Variants in NCAPH2 observed in about 807,000 individuals in gnomAD.
The protein encoded by NCAPH2 is condensin-2 complex subunit H2.
In NCAPH2, 56 loss-of-function variants were observed where a neutral mutation model predicts 88.6. That is an observed-to-expected ratio of 0.63 (90% CI 0.51 to 0.79). The LOEUF (loss-of-function observed/expected upper bound fraction) is 0.79. Ranked by LOEUF, NCAPH2 falls within the 30% of genes least tolerant of loss-of-function variation. The probability of loss-of-function intolerance (pLI) is 0.00; values close to 1 mark genes in which losing one functional copy is unlikely to be tolerated. For synonymous variants in NCAPH2, 378 were observed against 313.6 expected (o/e 1.21, Z -2.17); for missense variants, 794 against 792.0 (o/e 1.00, Z -0.03).
At chr22:50,516,899 A>C (rs1308163126) in intron 2 of NCAPH2, among the ~76,000 whole-genome samples, 1 of 151,366 alleles carries the variant, frequency 6.6e-6, no homozygotes, top group Admixed American at 6.6e-5. Flanking sequence ...CACAACCACC[A>C]CCCTCACGGT....
In NCAPH2 at chr22:50,524,590, A is replaced by C; in HGVS notation, c.*1215A>C. 6 of 718,008 alleles carry C rather than the reference A, an allele frequency of 8.4e-6. No individual in the cohort carries two copies. Among genetic ancestry groups the C allele is most frequent in the Admixed American group, 2.0e-5 (1 of 49,466 alleles). The allele number at this position is 718,008 out of a possible 1,614,324, so 44.5% of individuals were successfully genotyped here. ...TGAGCTCAGAACTCCACCTCCACCAAACATCCACACCTGGGCAACCACACC... is the reference window on the plus strand; with the variant it reads ...TGAGCTCAGAACTCCACCTCCACCACACATCCACACCTGGGCAACCACACC... On this transcript the variant is annotated 3_prime_UTR_variant, in exon 20 of 20. Coordinates refer to ENST00000420993, the MANE Select transcript of NCAPH2 (RefSeq NM_152299.4).
intron 1 of NCAPH2, among the ~76,000 whole-genome samples, chr22:50,513,983 A>G (rs557449129): frequency 1.3e-5 from 2 of 152,270 alleles, no homozygotes; most frequent in African/African-American, 4.8e-5. Flanking sequence ...CCGGGCGCCT[A>G]TAATCCCAGC....
chr22:50,516,638 C>T lies in NCAPH2; in HGVS notation c.210+90C>T, dbSNP rs79758616. On this transcript the variant is annotated intron_variant, in intron 2 of 19. Coordinates refer to ENST00000420993, the MANE Select transcript of NCAPH2 (RefSeq NM_152299.4). The stretch of plus-strand genomic sequence containing the variant: ...TCTGGGGCAGGTGCAGTGGTCGTCC[C>T]GTCTGTGACCTACCTCCCTCTCTCC... The T allele has an allele frequency of 2.1e-3, 2,287 of 1,111,150 alleles. 33 individuals are homozygous for T. In the African/African-American group the frequency reaches 0.029, roughly 14 times the overall value. 68.8% of individuals were successfully genotyped at this position (1,111,150 alleles called of 1,614,324 possible). A position where few individuals can be genotyped will look rare whatever the true frequency, so the allele number is the denominator to read the frequency against.
rs779880538 is a variant in NCAPH2, at chr22:50,519,330, A to G, written c.861+10A>G. 2 of 1,609,782 alleles carry G rather than the reference A, an allele frequency of 1.2e-6. No individual in the cohort carries two copies. Among genetic ancestry groups the G allele is most frequent in the Admixed American group, 1.7e-5 (1 of 59,564 alleles). On this transcript the variant is annotated intron_variant, in intron 9 of 19. Coordinates refer to ENST00000420993, the MANE Select transcript of NCAPH2 (RefSeq NM_152299.4). Reference sequence around the variant, plus strand: ...CAGGAGCCCGCAGCAGGTGGGACCCACATGGAGGCCTGCAGAACCTGAGCT... The same window carrying G: ...CAGGAGCCCGCAGCAGGTGGGACCCGCATGGAGGCCTGCAGAACCTGAGCT...
intron 1 of NCAPH2, among the ~76,000 whole-genome samples, chr22:50,514,292 G>A (rs1033811068): frequency 2.6e-5 from 4 of 152,000 alleles, no homozygotes; most frequent in Admixed American, 6.6e-5. Flanking sequence ...TGAGCAGAGC[G>A]TGGAGAGTGG....
chr22:50,516,664 T>G, intron 2 of NCAPH2, 116 bp downstream of exon 2: 1 of 847,212 alleles, frequency 1.2e-6, no homozygotes, highest in East Asian at 2.6e-5. Context: ...CCCTCTCTCC[T>G]CAGGTCTCAG....
intron 5 of NCAPH2, 25 bp from the exon 6 acceptor site, chr22:50,517,948 T>G: frequency 2.5e-6 from 4 of 1,609,280 alleles, no homozygotes; most frequent in Non-Finnish European, 3.4e-6. Context: ...GGTGCCTGGC[T>G]CACCCACCCT....
Position 50,508,414 on chromosome 22 carries a change from TGGC to T in NCAPH2, c.81_83del (p.Ala28del). 1 of 1,212,732 alleles carries T rather than the reference TGGC, an allele frequency of 8.2e-7. No homozygotes were observed. The highest frequency in any genetic ancestry group is 1.0e-6 in the Non-Finnish European group (1 of 955,904). 75.1% of individuals were successfully genotyped at this position (1,212,732 alleles called of 1,614,324 possible). On this transcript the variant is annotated inframe_deletion, in exon 1 of 20. Transcript: ENST00000420993. Reference sequence around the variant, plus strand: ...CTCACCAAGAACTGGGAGGTGGACGTGGCGGCCCAGCTGGGCGAGTATCTGGAG... The same window carrying T: ...CTCACCAAGAACTGGGAGGTGGACGTGGCCCAGCTGGGCGAGTATCTGGAG...
chr22:50,517,344 T>C (rs769089097), intron 2 of NCAPH2, 83 bp from the exon 3 acceptor site: 257 of 1,453,258 alleles, frequency 1.8e-4, no homozygotes, highest in Non-Finnish European at 2.5e-4. Flanking sequence ...CCAGGCCTCG[T>C]GGGGGCACCG....
chr22:50,511,447 G>A (rs2068780472), intron 1 of NCAPH2, among the ~76,000 whole-genome samples: 1 of 142,494 alleles, frequency 7.0e-6, no homozygotes, highest in South Asian at 2.1e-4. Flanking sequence ...CCGCCACCAC[G>A]CCCGGCTAAT....
intron 1 of NCAPH2, among the ~76,000 whole-genome samples, chr22:50,509,708 T>C (rs916781718): frequency 1.3e-5 from 2 of 152,190 alleles, no homozygotes; most frequent in Non-Finnish European, 2.9e-5. Context: ...CAGCACTGTT[T>C]TCTGCCTAAA....
At chr22:50,521,703 C>T in intron 11 of NCAPH2, 38 bp from the exon 12 acceptor site, 2 of 1,611,968 alleles carry the variant, frequency 1.2e-6, no homozygotes, top group Non-Finnish European at 1.7e-6. Flanking sequence ...GCACCCTGAT[C>T]CCCCAGCGGC....
chr22:50,517,928 G>T, intron 5 of NCAPH2, 45 bp from the exon 6 acceptor site: 14 of 1,603,404 alleles, frequency 8.7e-6, no homozygotes, highest in Non-Finnish European at 1.1e-5. Flanking sequence ...GTTCTCCACT[G>T]GAGTGGAAGG....
At chr22:50,520,516 A>C (rs2148665216) in intron 9 of NCAPH2, 1 of 151,704 alleles carries the variant, frequency 6.6e-6, no homozygotes, top group Non-Finnish European at 1.4e-5. Flanking sequence ...GGCCTCTCAA[A>C]GCACTGGGAT....
intron 1 of NCAPH2, among the ~76,000 whole-genome samples, chr22:50,509,643 C>T (rs1192104408): frequency 4.6e-5 from 7 of 152,164 alleles, no homozygotes; most frequent in Non-Finnish European, 1.0e-4. Flanking sequence ...TTGTCCCGTC[C>T]AATTCGTGCT....
At position 50,522,913 on chromosome 22, in the gene NCAPH2, C is replaced by G; in HGVS notation, c.1518C>G (p.Leu506=). 6.2e-7 allele frequency: 1 copy of G among 1,613,220 alleles called. No individual in the cohort carries two copies. Among genetic ancestry groups the G allele is most frequent in the South Asian group, 1.1e-5 (1 of 91,076 alleles). Reference sequence around the variant, plus strand: ...GGGAGGACACAGTGCAGCCTCTGCTCCAGGAGCAGGTGAGGCGGGGCCGCT... The same window carrying G: ...GGGAGGACACAGTGCAGCCTCTGCTGCAGGAGCAGGTGAGGCGGGGCCGCT... The part of the protein sequence containing the change: ...RDWEDTVQPL[L]QEQEQHVPFD... The change falls in exon 18 of 20, where the codon CTC becomes CTG. Residue 506 remains leucine, a synonymous_variant. Transcript: ENST00000420993.
At chr22:50,514,780 C>T (rs2068871628) in intron 1 of NCAPH2, among the ~76,000 whole-genome samples, 1 of 152,226 alleles carries the variant, frequency 6.6e-6, no homozygotes, top group African/African-American at 2.4e-5. Flanking sequence ...GACAAACACC[C>T]TTTATCCTTC....
rs369566080 is a variant in NCAPH2, at chr22:50,520,676, G to A, written c.862-289G>A. 84 of 281,378 alleles carry A rather than the reference G, an allele frequency of 3.0e-4. 2 individuals are homozygous for A. The highest frequency in any genetic ancestry group is 1.1e-3 in the Middle Eastern group (1 of 878). 17.4% of individuals were successfully genotyped at this position (281,378 alleles called of 1,614,324 possible). On this transcript the variant is annotated intron_variant, in intron 9 of 19. Transcript: ENST00000420993. The stretch of plus-strand genomic sequence containing the variant: ...TGGGTTCAAGCGATTCTCCTGCCTC[G>A]GCCTCCCGAGTAGGTGGGATTACAG...
At chr22:50,510,289 G>A (rs1183652724) in intron 1 of NCAPH2, among the ~76,000 whole-genome samples, 1 of 152,086 alleles carries the variant, frequency 6.6e-6, no homozygotes, top group East Asian at 1.9e-4. Context: ...AATCAGAGAG[G>A]AGGATCTTAC....
Sources: gnomAD v4.1 joint callset for allele counts (sites outside exome capture counted in the v4.1 genomes callset) on GRCh38, gnomAD v4.1.1 for gene constraint, MANE v1.5 for transcripts, NCBI Gene and HGNC (gene_info 2026-07-23, HGNC 2026-07-21) for gene names.